Variants in LRCH3 observed in about 807,000 individuals in gnomAD.
LRCH3 encodes leucine rich repeats and calponin homology domain containing 3.
LRCH3 carries 68 observed loss-of-function variants against 104.5 expected under a neutral mutation model. The observed-to-expected ratio is 0.65, with a 90% CI of 0.54 to 0.80. LRCH3 has a LOEUF of 0.80. LRCH3 is among the 30% of genes least tolerant of loss of function. The pLI is 0.00. For missense variants in LRCH3, 951 were observed against 953.9 expected, an observed-to-expected ratio of 1.00 and a Z score of 0.04; for synonymous variants, 344 against 361.3, an observed-to-expected ratio of 0.95 and a Z score of 0.54.
rs1712452949 is a variant in LRCH3, at chr3:197,873,303, A to G, written c.2130+1841A>G. Among the ~76,000 whole-genome samples, 3 of 152,194 alleles carry G rather than the reference A, an allele frequency of 2.0e-5. No homozygotes were observed. The South Asian group carries it at 6.2e-4, about 32-fold the overall frequency. ...GTATCTATATTTGTATGTGTATTTT[A>G]ACTACACCATCCAAAACTTACAGAT... On this transcript the variant is annotated intron_variant, in intron 19 of 20. Transcript: ENST00000425562.
intron 1 of LRCH3, among the ~76,000 whole-genome samples, chr3:197,813,292 T>A (rs1733403978): frequency 6.6e-6 from 1 of 151,922 alleles, no homozygotes; most frequent in Admixed American, 6.6e-5. Flanking sequence ...TTGACTGTAG[T>A]CATTCCCAAA....
chr3:197,847,046 G>A (rs1474856732), intron 10 of LRCH3, among the ~76,000 whole-genome samples: 1 of 152,160 alleles, frequency 6.6e-6, no homozygotes, highest in African/African-American at 2.4e-5. Context: ...GTATGTAAAA[G>A]GATCTCAGTT....
intron 12 of LRCH3, among the ~76,000 whole-genome samples, chr3:197,851,692 A>G (rs982987682): frequency 6.6e-6 from 1 of 152,222 alleles, no homozygotes; most frequent in Admixed American, 6.5e-5. Context: ...GATATACCTA[A>G]TGCTTAATAC....
Position 197,830,826 on chromosome 3 carries a change from G to A in LRCH3, c.944G>A (p.Ser315Asn). The A allele has an allele frequency of 6.2e-7, 1 of 1,614,088 alleles. No individual in the cohort carries two copies. Among genetic ancestry groups the A allele is most frequent in the Admixed American group, 1.7e-5 (1 of 60,026 alleles). Residue 315 changes from serine (S) to asparagine (N), a missense_variant, in exon 7 of 21, where the codon AGT becomes AAT. Ser to Asn is a conservative substitution (Grantham distance 46, BLOSUM62 1). Coordinates refer to ENST00000425562, the MANE Select transcript of LRCH3 (RefSeq NM_001365715.1). ...GGAGCCCTTGATTCAGGCTTCAATA[G>A]TGTGGACAGTGGTGATAAGAGATGG... The part of the protein sequence containing the change: ...PYGALDSGFN[S>N]VDSGDKRWSG...
Position 197,812,504 on chromosome 3 carries a change from GTTTT to G in LRCH3, c.263-2381_263-2378del, listed in dbSNP as rs71623380. 6.4e-3 allele frequency among the ~76,000 whole-genome samples: 314 copies of G among 48,976 alleles called. 10 individuals carry two copies. The highest frequency in any genetic ancestry group is 0.025 in the Middle Eastern group (1 of 40). The allele number at this position is 48,976 out of a possible 152,430, so 32.1% of individuals were successfully genotyped here. ...ATATCTGTTCAAGTCTCTGCTTTCAGTTTTTTTTTTTTTTTTTTTTTTTTTTAGG... is the reference window on the plus strand; with the variant it reads ...ATATCTGTTCAAGTCTCTGCTTTCAGTTTTTTTTTTTTTTTTTTTTTTAGG... On this transcript the variant is annotated intron_variant, in intron 1 of 20. Transcript: ENST00000425562.
At chr3:197,871,910 T>C (rs1196445464) in intron 19 of LRCH3, among the ~76,000 whole-genome samples, 3 of 152,134 alleles carry the variant, frequency 2.0e-5, no homozygotes, top group African/African-American at 7.2e-5. Context: ...TGCACAGGGT[T>C]GTAATACAAA....
chr3:197,883,488 TA>T lies in LRCH3; in HGVS notation c.2209-52del. The T allele has an allele frequency of 6.6e-7, 1 of 1,517,562 alleles. No individual in the cohort carries two copies. The highest frequency in any genetic ancestry group is 1.2e-5 in the South Asian group (1 of 81,882). 94.0% of individuals were successfully genotyped at this position (1,517,562 alleles called of 1,614,324 possible). A position where few individuals can be genotyped will look rare whatever the true frequency, so the allele number is the denominator to read the frequency against. ...TTATTTTTTCCTTTCAGTTCTATGATATTCATCCGATTTTCTTTTTTGTTTG... is the reference window on the plus strand; with the variant it reads ...TTATTTTTTCCTTTCAGTTCTATGATTTCATCCGATTTTCTTTTTTGTTTG... On this transcript the variant is annotated intron_variant, in intron 20 of 20. Transcript: ENST00000425562. The surrounding 1 kb of genome is among the most constrained non-coding windows in gnomAD (Gnocchi z 4.2).
At chr3:197,812,097 G>C (rs561390578) in intron 1 of LRCH3, among the ~76,000 whole-genome samples, 1 of 152,168 alleles carries the variant, frequency 6.6e-6, no homozygotes, top group South Asian at 2.1e-4. Context: ...ATACTGTTGT[G>C]CAGCTATCAC....
chr3:197,792,054 G>A (rs1172370961), intron 1 of LRCH3, among the ~76,000 whole-genome samples: 1 of 152,018 alleles, frequency 6.6e-6, no homozygotes, highest in Non-Finnish European at 1.5e-5. Context: ...TGGGGTGTGT[G>A]TGTGTTTAAA....
intron 6 of LRCH3, among the ~76,000 whole-genome samples, chr3:197,830,124 A>G (rs1338059146): frequency 2.0e-5 from 3 of 152,190 alleles, no homozygotes; most frequent in Non-Finnish European, 2.9e-5. Context: ...CATTTTTTCT[A>G]CAAGGAGTCA....
chr3:197,799,867 G>C (rs1009354590), intron 1 of LRCH3, among the ~76,000 whole-genome samples: 3 of 150,738 alleles, frequency 2.0e-5, no homozygotes, highest in Admixed American at 6.6e-5. Context: ...AGTGAGACTC[G>C]CTCTCAAAAC....
chr3:197,837,987 G>C (rs932050663), intron 9 of LRCH3, among the ~76,000 whole-genome samples: 2 of 151,872 alleles, frequency 1.3e-5, no homozygotes, highest in Non-Finnish European at 2.9e-5. Flanking sequence ...TTGAACCTGG[G>C]CAGCGGACAT....
chr3:197,813,221 T>C (rs1176331745), intron 1 of LRCH3, among the ~76,000 whole-genome samples: 1 of 152,232 alleles, frequency 6.6e-6, no homozygotes, highest in Non-Finnish European at 1.5e-5. Context: ...ATTGATGCTT[T>C]GTGTTACAAA....
chr3:197,880,738 C>G (rs979078424), intron 20 of LRCH3: 7 of 1,536,536 alleles, frequency 4.6e-6, no homozygotes, highest in Non-Finnish European at 5.2e-6. Flanking sequence ...CGGTGACTTT[C>G]TGCCTCATTC....
intron 20 of LRCH3, among the ~76,000 whole-genome samples, chr3:197,878,805 C>T (rs1713211504): frequency 6.6e-6 from 1 of 152,242 alleles, no homozygotes; most frequent in Non-Finnish European, 1.5e-5. Context: ...CCTTTTTCTC[C>T]TGGTCTCCAG....
At chr3:197,827,598 T>C (rs1022172262) in intron 5 of LRCH3, among the ~76,000 whole-genome samples, 3 of 152,254 alleles carry the variant, frequency 2.0e-5, no homozygotes, top group Non-Finnish European at 4.4e-5. Flanking sequence ...CTTGAATTAA[T>C]GGATTAGAAG....
intron 16 of LRCH3, among the ~76,000 whole-genome samples, chr3:197,865,767 G>GTTT (rs11324714): frequency 7.1e-6 from 1 of 140,198 alleles, no homozygotes; most frequent in Non-Finnish European, 1.6e-5. Flanking sequence ...AAACCACTGG[G>GTTT]TTTTTTTTTT....
At chr3:197,837,352 A>G (rs1205899759) in intron 9 of LRCH3, among the ~76,000 whole-genome samples, 2 of 152,170 alleles carry the variant, frequency 1.3e-5, no homozygotes, top group Non-Finnish European at 2.9e-5. Context: ...AAAAAATAGT[A>G]TTTCTTTAAT....
At chr3:197,847,851 A>G (rs1302437073) in intron 11 of LRCH3, 21 bp from the exon 12 acceptor site, 6 of 1,610,816 alleles carry the variant, frequency 3.7e-6, no homozygotes, top group African/African-American at 2.7e-5. Flanking sequence ...TTTTGTATGC[A>G]CAATAACGCT....
Sources: allele counts gnomAD v4.1 joint callset (sites outside exome capture counted in the v4.1 genomes callset), GRCh38; gene constraint gnomAD v4.1.1; non-coding constraint Gnocchi (gnomAD v3.1); transcripts MANE v1.5; gene names NCBI Gene and HGNC (gene_info 2026-07-23, HGNC 2026-07-21).